The following GRID2 variants were observed in gnomAD, a reference collection of about 807,000 sequenced individuals.
GRID2 encodes glutamate receptor ionotropic, delta-2.
A neutral mutation model predicts 114.8 loss-of-function variants in GRID2; 33 were observed. The ratio of observed to expected loss-of-function variants is 0.29; its 90% confidence interval spans 0.22 to 0.38. GRID2 has a LOEUF of 0.38. Ranked by LOEUF, GRID2 falls within the 10% of genes least tolerant of loss-of-function variation. The pLI is 1.00. For synonymous variants in GRID2, 505 were observed against 449.9 expected, an observed-to-expected ratio of 1.12 and a Z score of -1.55; for missense variants, 1,184 against 1,257.7, an observed-to-expected ratio of 0.94 and a Z score of 0.89.
chr4:93,534,231 A>G lies in GRID2; in HGVS notation c.2193+18820A>G, dbSNP rs1464818894. 2.0e-5 allele frequency among the ~76,000 whole-genome samples: 3 copies of G among 152,162 alleles called. No homozygotes were observed. The East Asian group carries it at 5.8e-4, about 29-fold the overall frequency. On this transcript the variant is annotated intron_variant, in intron 13 of 15. Coordinates refer to ENST00000282020, the MANE Select transcript of GRID2 (RefSeq NM_001510.4). The stretch of plus-strand genomic sequence containing the variant: ...TCTTTCCTGCTTTTATTCTGTTTCC[A>G]TAGCATATGTCACTTACTAATATAT...
chr4:93,475,728 C>T (rs1024415836), intron 11 of GRID2, among the ~76,000 whole-genome samples: 1 of 152,116 alleles, frequency 6.6e-6, no homozygotes, highest in African/African-American at 2.4e-5. Flanking sequence ...ACCCTTTGAA[C>T]TTTCATGCTT....
intron 1 of GRID2, among the ~76,000 whole-genome samples, chr4:92,338,008 C>T (rs970968244): frequency 3.9e-5 from 6 of 152,160 alleles, no homozygotes; most frequent in Non-Finnish European, 7.4e-5. Flanking sequence ...AGTGGCTTGC[C>T]TGTACATGGG....
chr4:93,197,196 AGTTTAACT>A (rs1741585131), intron 4 of GRID2, among the ~76,000 whole-genome samples: 1 of 152,188 alleles, frequency 6.6e-6, no homozygotes, highest in African/African-American at 2.4e-5. Context: ...TGCAACATTC[AGTTTAACT>A]GTAATTCTAA....
chr4:92,780,361 G>C lies in GRID2; in HGVS notation c.244+190075G>C, dbSNP rs192538514. On this transcript the variant is annotated intron_variant, in intron 2 of 15. Transcript: ENST00000282020. The stretch of plus-strand genomic sequence containing the variant: ...ACATCCTGAAATATTACTTTCAAAT[G>C]GACAGTGAATAATTTTGTCACATTT... 3.6e-3 allele frequency among the ~76,000 whole-genome samples: 555 copies of C among 152,078 alleles called. 1 individual carries two copies. Among genetic ancestry groups the C allele is most frequent in the Non-Finnish European group, 6.3e-3 (431 of 67,952 alleles).
intron 2 of GRID2, among the ~76,000 whole-genome samples, chr4:93,060,945 A>G (rs1727731222): frequency 2.6e-5 from 4 of 151,974 alleles, no homozygotes; most frequent in Non-Finnish European, 5.9e-5. Context: ...TCACTTAGAA[A>G]TATAAAAATC....
chr4:92,974,926 G>C (rs1753760274), intron 2 of GRID2, among the ~76,000 whole-genome samples: 1 of 100,268 alleles, frequency 1.0e-5, no homozygotes, highest in South Asian at 2.9e-4. Context: ...GGGAGGCCGA[G>C]GCGGGCGGAT....
At chr4:92,443,628 G>A (rs1024628985) in intron 1 of GRID2, among the ~76,000 whole-genome samples, 8 of 151,988 alleles carry the variant, frequency 5.3e-5, no homozygotes, top group South Asian at 2.1e-4. Context: ...CTAGAAAAGC[G>A]GGACTTGCCG....
intron 2 of GRID2, among the ~76,000 whole-genome samples, chr4:92,858,889 G>A: frequency 6.6e-6 from 1 of 152,046 alleles, no homozygotes; most frequent in East Asian, 1.9e-4. Flanking sequence ...TAAATAAGAG[G>A]TTTTAAGTTT....
At chr4:93,122,343 TA>T (rs1560902160) in intron 4 of GRID2, among the ~76,000 whole-genome samples, 1 of 152,176 alleles carries the variant, frequency 6.6e-6, no homozygotes, top group Non-Finnish European at 1.5e-5. Flanking sequence ...TCAGTGTGTC[TA>T]AATGGAAAGA....
intron 1 of GRID2, among the ~76,000 whole-genome samples, chr4:92,467,680 A>C (rs1246849000): frequency 6.6e-6 from 1 of 151,990 alleles, no homozygotes; most frequent in African/African-American, 2.4e-5. Context: ...TCTTCTCTTA[A>C]TTTTCTTCCT....
At chr4:93,046,289 G>T (rs1490704583) in intron 2 of GRID2, among the ~76,000 whole-genome samples, 1 of 151,974 alleles carries the variant, frequency 6.6e-6, no homozygotes, top group African/African-American at 2.4e-5. Flanking sequence ...ATCTCTGTCG[G>T]TCGTTCTTCA....
chr4:93,287,781 C>G (rs997437227), intron 8 of GRID2, among the ~76,000 whole-genome samples: 2 of 152,122 alleles, frequency 1.3e-5, no homozygotes, highest in Non-Finnish European at 2.9e-5. Flanking sequence ...ACTATATTCA[C>G]TTGATAATTG....
chr4:92,864,295 G>C (rs1352359875), intron 2 of GRID2, among the ~76,000 whole-genome samples: 1 of 152,156 alleles, frequency 6.6e-6, no homozygotes, highest in African/African-American at 2.4e-5. Context: ...TTCTTTTGGA[G>C]GACAGTACTG....
intron 1 of GRID2, among the ~76,000 whole-genome samples, chr4:92,481,096 A>G (rs1245963120): frequency 1.3e-5 from 2 of 152,300 alleles, no homozygotes; most frequent in East Asian, 3.9e-4. Context: ...GGATAGGCTG[A>G]ATGTGTATAT....
In GRID2 at chr4:93,774,144, G is replaced by A. The variant is rs1015949483; in HGVS notation, c.*1646G>A. The A allele has an allele frequency of 6.6e-6, 1 of 152,052 alleles. No individual in the cohort carries two copies. The highest frequency in any genetic ancestry group is 1.5e-5 in the Non-Finnish European group (1 of 67,954). The allele number at this position is 152,052 out of a possible 1,614,324, so 9.4% of individuals were successfully genotyped here. A position where few individuals can be genotyped will look rare whatever the true frequency, so the allele number is the denominator to read the frequency against. On this transcript the variant is annotated 3_prime_UTR_variant, in exon 16 of 16. Coordinates refer to ENST00000282020, the MANE Select transcript of GRID2 (RefSeq NM_001510.4). Reference sequence around the variant, plus strand: ...TATATTATATTTTGATGCTAATTCTGTTCTGGGGAGCATCTTGTATTGTCA... The same window carrying A: ...TATATTATATTTTGATGCTAATTCTATTCTGGGGAGCATCTTGTATTGTCA...
At chr4:92,823,238 GAT>G (rs1364860441) in intron 2 of GRID2, among the ~76,000 whole-genome samples, 2 of 152,074 alleles carry the variant, frequency 1.3e-5, no homozygotes, top group African/African-American at 4.8e-5. Flanking sequence ...TTGGTACAAG[GAT>G]TAAAATTAGG....
At chr4:92,766,430 G>A (rs1034344725) in intron 2 of GRID2, among the ~76,000 whole-genome samples, 24 of 151,664 alleles carry the variant, frequency 1.6e-4, no homozygotes, top group African/African-American at 4.4e-4. Flanking sequence ...CCAGCTACTC[G>A]GGAGGCTGAG....
intron 2 of GRID2, among the ~76,000 whole-genome samples, chr4:92,640,443 C>A (rs1479328): frequency 0.3 from 45,017 of 151,418 alleles, 6,707 homozygotes; most frequent in African/African-American, 0.36. Context: ...TGTTAGAATG[C>A]ATGAAAAATT....
At chr4:93,081,185 C>T (rs962305833) in intron 2 of GRID2, among the ~76,000 whole-genome samples, 1 of 151,794 alleles carries the variant, frequency 6.6e-6, no homozygotes, top group Admixed American at 6.6e-5. Context: ...GAAGTTATAT[C>T]GGGACAAATT....
Sources: allele counts gnomAD v4.1 joint callset (sites outside exome capture counted in the v4.1 genomes callset), GRCh38; gene constraint gnomAD v4.1.1; transcripts MANE v1.5; gene names NCBI Gene and HGNC (gene_info 2026-07-23, HGNC 2026-07-21).